SLC9A9: variants seen among roughly 807,000 people sequenced by gnomAD.
SLC9A9 encodes sodium/hydrogen exchanger 9.
Under a neutral mutation model 77.8 loss-of-function variants are expected in SLC9A9, and 62 were observed. That is an observed-to-expected ratio of 0.80 (90% CI 0.65 to 0.98). The LOEUF is 0.98. Ranked by LOEUF, SLC9A9 falls within the 50% of genes least tolerant of loss-of-function variation. SLC9A9 has a pLI of 0.00. For synonymous variants in SLC9A9, 320 were observed against 283.5 expected (o/e 1.13, Z -1.29); for missense variants, 775 against 774.9 (o/e 1.00, Z 0.00).
chr3:143,319,174 G>A (rs1487294571), intron 14 of SLC9A9, among the ~76,000 whole-genome samples: 1 of 152,110 alleles, frequency 6.6e-6, no homozygotes, highest in Non-Finnish European at 1.5e-5. Context: ...TAATAACCAG[G>A]TCCCTGGTAC....
At chr3:143,337,297 T>C (rs2031956535) in intron 14 of SLC9A9, among the ~76,000 whole-genome samples, 1 of 152,066 alleles carries the variant, frequency 6.6e-6, no homozygotes, top group Admixed American at 6.5e-5. Flanking sequence ...CTGGCCACTG[T>C]GGATTTTCCG....
intron 2 of SLC9A9, among the ~76,000 whole-genome samples, chr3:143,800,961 T>C (rs564179572): frequency 1.3e-5 from 2 of 152,324 alleles, no homozygotes; most frequent in African/African-American, 4.8e-5. Flanking sequence ...CAACACCTTC[T>C]ACAAAACAAC....
At chr3:143,688,035 CTCCT>C (rs200940948) in intron 5 of SLC9A9, among the ~76,000 whole-genome samples, 157 of 150,478 alleles carry the variant, frequency 1.0e-3, no homozygotes, top group African/African-American at 2.6e-3. Flanking sequence ...CCCTTTTTGC[CTCCT>C]TCCTTCCTTC....
chr3:143,698,109 C>T (rs1205590010), intron 4 of SLC9A9: 1 of 152,930 alleles, frequency 6.5e-6, no homozygotes, highest in Non-Finnish European at 1.5e-5. Context: ...GTCATCACTT[C>T]ATAGAAGGCA....
chr3:143,469,158 TCAAA>T (rs140705518), intron 11 of SLC9A9, among the ~76,000 whole-genome samples: 5,896 of 152,030 alleles, frequency 0.039, 373 homozygotes, highest in African/African-American at 0.13. Context: ...AGACTTCATC[TCAAA>T]CAAACAAACA....
intron 14 of SLC9A9, among the ~76,000 whole-genome samples, chr3:143,274,557 C>G (rs749843127): frequency 1.3e-5 from 2 of 152,154 alleles, no homozygotes; most frequent in Non-Finnish European, 2.9e-5. Flanking sequence ...CGGCTAATTT[C>G]AAGCTACTGA....
Position 143,266,776 on chromosome 3 carries a change from A to G in SLC9A9, c.1864T>C (p.Tyr622His). Residue 622 changes from tyrosine to histidine, a missense_variant, in exon 16 of 16, where the codon TAT (tyrosine) becomes CAT (histidine). Physicochemically the swap from Tyr to His is moderately conservative, Grantham distance 83 (BLOSUM62 2). Coordinates refer to ENST00000316549, the MANE Select transcript of SLC9A9 (RefSeq NM_173653.4). ...SPQTPGKENI[Y>H]EGDLGLGGYE... ...CCTCCCAGGCCGAGGTCTCCCTCATAAATGTTTTCCTTGCCTGGCGTCTGG... is the reference window on the plus strand; with the variant it reads ...CCTCCCAGGCCGAGGTCTCCCTCATGAATGTTTTCCTTGCCTGGCGTCTGG... 6.2e-7 allele frequency: 1 copy of G among 1,614,158 alleles called. No individual in the cohort carries two copies. The highest frequency in any genetic ancestry group is 1.3e-5 in the African/African-American group (1 of 75,038).
intron 4 of SLC9A9, among the ~76,000 whole-genome samples, chr3:143,702,892 T>G (rs926503411): frequency 6.6e-6 from 1 of 152,092 alleles, no homozygotes; most frequent in Non-Finnish European, 1.5e-5. Flanking sequence ...AGATATTCCA[T>G]GTCAATGGAA....
chr3:143,799,902 C>G (rs2008502453), intron 2 of SLC9A9, among the ~76,000 whole-genome samples: 1 of 152,212 alleles, frequency 6.6e-6, no homozygotes, highest in Non-Finnish European at 1.5e-5. Context: ...TTTCAAGGGC[C>G]TGTTTCCTTT....
chr3:143,809,999 C>T (rs2008821401), intron 2 of SLC9A9, among the ~76,000 whole-genome samples: 1 of 152,138 alleles, frequency 6.6e-6, no homozygotes, highest in Non-Finnish European at 1.5e-5. Flanking sequence ...AGCAACAGAC[C>T]TCCAACTCTG....
intron 4 of SLC9A9, among the ~76,000 whole-genome samples, chr3:143,772,588 G>A (rs1247195768): frequency 2.0e-5 from 3 of 152,112 alleles, no homozygotes; most frequent in East Asian, 1.9e-4. Flanking sequence ...AAGCTGGTCC[G>A]GGAAGGAACT....
chr3:143,734,752 A>G (rs920933918), intron 4 of SLC9A9, among the ~76,000 whole-genome samples: 1 of 150,186 alleles, frequency 6.7e-6, no homozygotes, highest in African/African-American at 2.5e-5. Flanking sequence ...AAAAAAAAAA[A>G]GATACGTAGA....
chr3:143,754,821 C>T (rs1383270664), intron 4 of SLC9A9, among the ~76,000 whole-genome samples: 1 of 152,170 alleles, frequency 6.6e-6, no homozygotes, highest in Non-Finnish European at 1.5e-5. Context: ...CATTAAGCCA[C>T]TTTCTCCATG....
chr3:143,626,172 T>G (rs535655709), intron 6 of SLC9A9, among the ~76,000 whole-genome samples: 76 of 152,362 alleles, frequency 5.0e-4, no homozygotes, highest in Non-Finnish European at 9.8e-4. Context: ...TTGGTGGGAC[T>G]GTAAACTAGT....
chr3:143,398,190 C>T (rs1024758309), intron 12 of SLC9A9, among the ~76,000 whole-genome samples: 3 of 152,154 alleles, frequency 2.0e-5, no homozygotes, highest in Non-Finnish European at 2.9e-5. Context: ...CCTCCCAAGA[C>T]ATGAATTTCC....
intron 8 of SLC9A9, among the ~76,000 whole-genome samples, chr3:143,558,298 C>T (rs2037022918): frequency 6.6e-6 from 1 of 152,176 alleles, no homozygotes; most frequent in African/African-American, 2.4e-5. Context: ...TGAATTGGAA[C>T]CCACACAGTC....
chr3:143,848,108 G>T, intron 1 of SLC9A9, 40 bp downstream of exon 1: 1 of 1,581,372 alleles, frequency 6.3e-7, no homozygotes, highest in Non-Finnish European at 8.7e-7. Flanking sequence ...TTACGCTCAA[G>T]CAACAAGTTT....
intron 12 of SLC9A9, among the ~76,000 whole-genome samples, chr3:143,444,852 C>T (rs2034813481): frequency 6.6e-6 from 1 of 152,190 alleles, no homozygotes; most frequent in South Asian, 2.1e-4. Flanking sequence ...TGGCATATTT[C>T]CCTTTGGCTG....
intron 5 of SLC9A9, among the ~76,000 whole-genome samples, chr3:143,668,134 T>C (rs1048075370): frequency 6.6e-6 from 1 of 151,890 alleles, no homozygotes; most frequent in Non-Finnish European, 1.5e-5. Context: ...ATATACACCA[T>C]GGAATTCTAT....
Sources: gnomAD v4.1 joint callset for allele counts (sites outside exome capture counted in the v4.1 genomes callset) on GRCh38, gnomAD v4.1.1 for gene constraint, MANE v1.5 for transcripts, NCBI Gene and HGNC (gene_info 2026-07-23, HGNC 2026-07-21) for gene names.